GRIN2A: variants seen among roughly 807,000 people sequenced by gnomAD.
GRIN2A encodes the protein glutamate ionotropic receptor NMDA type subunit 2A.
Under a neutral mutation model 113.4 loss-of-function variants are expected in GRIN2A, and 22 were observed. The observed-to-expected ratio is 0.19, with a 90% CI of 0.14 to 0.28. GRIN2A has a LOEUF of 0.28. Among genes scored for constraint, GRIN2A ranks in the 10% least tolerant of loss-of-function variants. The pLI is 1.00. For synonymous variants in GRIN2A, 827 were observed against 738.4 expected (o/e 1.12, Z -1.94); for missense variants, 1,502 against 1,887.0 (o/e 0.80, Z 3.78).
chr16:9,764,778 A>G lies in GRIN2A; in HGVS notation c.2766T>C (p.Ala922=), dbSNP rs112216419. Residue 922 remains alanine (A), a synonymous_variant, in exon 13 of 13, where the codon GCT becomes GCC. Coordinates refer to ENST00000330684, the MANE Select transcript of GRIN2A (RefSeq NM_001134407.3). Reference sequence around the variant, plus strand: ...TGAGGGAACCTCTTTGGATGAAGTCAGCAGCTCTTTTGGGTGAGTCCATTC... The same window carrying G: ...TGAGGGAACCTCTTTGGATGAAGTCGGCAGCTCTTTTGGGTGAGTCCATTC... ...SSRMDSPKRA[A]DFIQRGSLIM... The G allele has an allele frequency of 6.2e-7, 1 of 1,614,252 alleles. No homozygotes were observed. The highest frequency in any genetic ancestry group is 8.5e-7 in the Non-Finnish European group (1 of 1,180,018).
intron 2 of GRIN2A, among the ~76,000 whole-genome samples, chr16:9,957,774 G>C (rs538529744): frequency 6.6e-6 from 1 of 152,264 alleles, no homozygotes; most frequent in African/African-American, 2.4e-5. Context: ...TGAAGGGCTT[G>C]GTTTCTCGCA....
chr16:10,030,170 C>T (rs969643771), intron 2 of GRIN2A, among the ~76,000 whole-genome samples: 67 of 112,926 alleles, frequency 5.9e-4, no homozygotes, highest in African/African-American at 2.1e-3. Flanking sequence ...ATCATCTTCA[C>T]GTTCTTGGGT....
chr16:10,025,862 G>C (rs1460327708), intron 2 of GRIN2A, among the ~76,000 whole-genome samples: 1 of 152,116 alleles, frequency 6.6e-6, no homozygotes, highest in Non-Finnish European at 1.5e-5. Flanking sequence ...CCAGACTTTA[G>C]ACAGGATTGC....
At chr16:10,088,354 C>T (rs182090924) in intron 2 of GRIN2A, among the ~76,000 whole-genome samples, 5 of 152,296 alleles carry the variant, frequency 3.3e-5, no homozygotes, top group African/African-American at 1.2e-4. Context: ...ACTTTCCATC[C>T]TGGACAAACA....
At position 9,911,176 on chromosome 16, in the gene GRIN2A, C is replaced by T. The variant is rs983138936; in HGVS notation, c.1008-20076G>A. Among the ~76,000 whole-genome samples the T allele has an allele frequency of 2.6e-5, 4 of 152,014 alleles. No homozygotes were observed. In the South Asian group the frequency reaches 6.2e-4, roughly 24 times the overall value. ...AGCAAAGAGTTAGCGGAGGTCAGCC[C>T]GTGTAGAGAAGTTTCCAAAATGACC... On this transcript the variant is annotated intron_variant, in intron 3 of 12. Transcript: ENST00000330684.
intron 4 of GRIN2A, among the ~76,000 whole-genome samples, chr16:9,886,881 A>C (rs958275092): frequency 1.3e-5 from 2 of 152,090 alleles, no homozygotes; most frequent in Non-Finnish European, 2.9e-5. Flanking sequence ...GATCTGAAGG[A>C]TTTAAGGTTT....
intron 9 of GRIN2A, among the ~76,000 whole-genome samples, chr16:9,824,589 G>A (rs2042351975): frequency 6.6e-6 from 1 of 152,126 alleles, no homozygotes; most frequent in African/African-American, 2.4e-5. Flanking sequence ...TGCTTCTCTG[G>A]CCTGGATAGT....
intron 3 of GRIN2A, among the ~76,000 whole-genome samples, chr16:9,901,831 T>C (rs2043932432): frequency 6.6e-6 from 1 of 152,244 alleles, no homozygotes; most frequent in African/African-American, 2.4e-5. Flanking sequence ...TCATCCATGC[T>C]GCTACAAAAG....
chr16:9,762,147 G>A lies in GRIN2A; in HGVS notation c.*1002C>T, dbSNP rs144997779. The A allele has an allele frequency of 0.015, 3,233 of 216,130 alleles. 341 individuals are homozygous for A. The Admixed American group carries it at 0.16, about 11-fold the overall frequency. 13.4% of individuals were successfully genotyped at this position (216,130 alleles called of 1,614,324 possible). On this transcript the variant is annotated 3_prime_UTR_variant, in exon 13 of 13. Coordinates refer to ENST00000330684, the MANE Select transcript of GRIN2A (RefSeq NM_001134407.3). The stretch of plus-strand genomic sequence containing the variant: ...CCACATTAACAACTCTGGGAAGAGC[G>A]ATACACAGCTAATTGGACACCACCA...
chr16:10,118,188 T>C (rs980348129), intron 2 of GRIN2A, among the ~76,000 whole-genome samples: 2 of 152,148 alleles, frequency 1.3e-5, no homozygotes, highest in Admixed American at 6.5e-5. Context: ...AGGAAGACGT[T>C]CTCGAAGACA....
intron 2 of GRIN2A, among the ~76,000 whole-genome samples, chr16:10,159,578 G>C (rs1342643216): frequency 6.6e-6 from 1 of 152,146 alleles, no homozygotes; most frequent in African/African-American, 2.4e-5. Context: ...AGTGACTCCT[G>C]ACTTCCAACA....
intron 2 of GRIN2A, among the ~76,000 whole-genome samples, chr16:9,992,151 T>G (rs1038030828): frequency 6.6e-6 from 1 of 152,190 alleles, no homozygotes; most frequent in Admixed American, 6.5e-5. Flanking sequence ...TATGGCTCAG[T>G]AGTATTCCAT....
Position 9,890,998 on chromosome 16 carries a change from C to T in GRIN2A, c.1110G>A (p.Arg370=). 1 of 1,605,280 alleles carries T rather than the reference C, an allele frequency of 6.2e-7. No homozygotes were observed. Among genetic ancestry groups the T allele is most frequent in the Non-Finnish European group, 8.5e-7 (1 of 1,171,972 alleles). Residue 370 remains arginine (R), a synonymous_variant, in exon 4 of 13, where the codon CGG becomes CGA. Transcript: ENST00000330684. The part of the protein sequence containing the change: ...RLVVIVLNKD[R]EWEKVGKWEN... Reference sequence around the variant, plus strand: ...GAAGGATGCTCACCTTTTCCCATTCCCGGTCTTTGTTCAGCACAATCACCA... The same window carrying T: ...GAAGGATGCTCACCTTTTCCCATTCTCGGTCTTTGTTCAGCACAATCACCA...
At chr16:10,106,181 G>A (rs148621981) in intron 2 of GRIN2A, among the ~76,000 whole-genome samples, 1,425 of 133,060 alleles carry the variant, frequency 0.011, 16 homozygotes, top group Non-Finnish European at 0.016. Context: ...TCTTATAAGT[G>A]AAAGAGTTTT....
chr16:10,077,464 A>G (rs1284280236), intron 2 of GRIN2A, among the ~76,000 whole-genome samples: 1 of 151,946 alleles, frequency 6.6e-6, no homozygotes, highest in Non-Finnish European at 1.5e-5. Flanking sequence ...CCACACTCTC[A>G]CCACTGCCAC....
rs767937109 is a variant in GRIN2A at position 9,800,514 on chromosome 16, T to A, written c.2169-2050A>T. The stretch of plus-strand genomic sequence containing the variant: ...CAAAGAGAGGATGTGAAACACTGCA[T>A]CTTTTCAGAGACAGCTGCCGAAGGA... On this transcript the variant is annotated intron_variant, in intron 10 of 12. Coordinates refer to ENST00000330684, the MANE Select transcript of GRIN2A (RefSeq NM_001134407.3). Among the ~76,000 whole-genome samples the A allele has an allele frequency of 6.6e-5, 10 of 152,234 alleles. No homozygotes were observed. The East Asian group carries it at 1.9e-3, about 29-fold the overall frequency.
intron 3 of GRIN2A, among the ~76,000 whole-genome samples, chr16:9,922,568 T>C (rs921500000): frequency 6.6e-6 from 1 of 152,150 alleles, no homozygotes; most frequent in Non-Finnish European, 1.5e-5. Flanking sequence ...AACCTCTCTG[T>C]AGACATCAAT....
chr16:9,964,159 G>A (rs933744035), intron 2 of GRIN2A, among the ~76,000 whole-genome samples: 4 of 152,228 alleles, frequency 2.6e-5, no homozygotes, highest in Non-Finnish European at 4.4e-5. Context: ...ATCCTTGAAG[G>A]CATGTGTGCA....
At chr16:9,895,359 C>T (rs1169276189) in intron 3 of GRIN2A, among the ~76,000 whole-genome samples, 1 of 152,180 alleles carries the variant, frequency 6.6e-6, no homozygotes, top group Non-Finnish European at 1.5e-5. Flanking sequence ...CCTGAAACAT[C>T]ATGATGTGTT....
Sources: gnomAD v4.1 joint callset for allele counts (sites outside exome capture counted in the v4.1 genomes callset) on GRCh38, gnomAD v4.1.1 for gene constraint, MANE v1.5 for transcripts, NCBI Gene and HGNC (gene_info 2026-07-23, HGNC 2026-07-21) for gene names.